Variants in EPHA5 observed in about 807,000 individuals in gnomAD.
The protein encoded by EPHA5 is EPH receptor A5.
Under a neutral mutation model 105.0 loss-of-function variants are expected in EPHA5, and 60 were observed. The observed-to-expected ratio is 0.57, with a 90% CI of 0.46 to 0.71. The LOEUF (loss-of-function observed/expected upper bound fraction) is 0.71, where lower values mean the gene tolerates loss of function less well. Among genes scored for constraint, EPHA5 ranks in the 30% least tolerant of loss-of-function variants. EPHA5 has a pLI of 0.00. For missense variants in EPHA5, 1,218 were observed against 1,274.7 expected (o/e 0.96, Z 0.68); for synonymous variants, 513 against 449.1 (o/e 1.14, Z -1.80).
intron 14 of EPHA5, among the ~76,000 whole-genome samples, chr4:65,343,921 T>C (rs1390789212): frequency 6.6e-6 from 1 of 152,098 alleles, no homozygotes; most frequent in African/African-American, 2.4e-5. Flanking sequence ...TCTAAGTAAT[T>C]TGAAATACAG....
chr4:65,367,619 T>A (rs1242374482), intron 8 of EPHA5, among the ~76,000 whole-genome samples, 195 bp from the exon 9 acceptor site: 2 of 152,092 alleles, frequency 1.3e-5, no homozygotes, highest in African/African-American at 4.8e-5. Context: ...CAGCAAATAA[T>A]CTTGCCCAGA....
At chr4:65,579,321 G>A (rs1416080639) in intron 3 of EPHA5, among the ~76,000 whole-genome samples, 1 of 146,398 alleles carries the variant, frequency 6.8e-6, no homozygotes, top group African/African-American at 2.5e-5. Context: ...ATTGAGAGGG[G>A]AATAACCTGC....
At chr4:65,539,287 A>G (rs1295670608) in intron 3 of EPHA5, among the ~76,000 whole-genome samples, 1 of 151,748 alleles carries the variant, frequency 6.6e-6, no homozygotes. Flanking sequence ...TCTTAAGATG[A>G]TTAAAATTCT....
At chr4:65,574,387 A>T (rs1740576388) in intron 3 of EPHA5, 4 of 712,570 alleles carry the variant, frequency 5.6e-6, no homozygotes, top group Non-Finnish European at 7.8e-6. Flanking sequence ...ATAATAAAAA[A>T]TAAAAAAATA....
intron 9 of EPHA5, among the ~76,000 whole-genome samples, chr4:65,366,429 C>T (rs1285511736): frequency 6.6e-6 from 1 of 151,676 alleles, no homozygotes; most frequent in Non-Finnish European, 1.5e-5. Context: ...TCGATATAAT[C>T]CCATTAGTAT....
chr4:65,334,038 A>G (rs1391515703), intron 15 of EPHA5, among the ~76,000 whole-genome samples: 3 of 151,870 alleles, frequency 2.0e-5, no homozygotes, highest in East Asian at 1.9e-4. Context: ...TTATTTCAAG[A>G]TATCATCATG....
At chr4:65,596,054 T>C (rs1743149055) in intron 3 of EPHA5, among the ~76,000 whole-genome samples, 1 of 152,226 alleles carries the variant, frequency 6.6e-6, no homozygotes, top group Admixed American at 6.5e-5. Context: ...ACAAGCAGCG[T>C]ATTTCCCACC....
In EPHA5 at chr4:65,320,165, A is replaced by G. The variant is rs1719521240; in HGVS notation, c.*3949T>C. 4.3e-6 allele frequency: 1 copy of G among 230,254 alleles called. No homozygotes were observed. The highest frequency in any genetic ancestry group is 5.7e-5 in the Admixed American group (1 of 17,642). 14.3% of individuals were successfully genotyped at this position (230,254 alleles called of 1,614,324 possible). A position where few individuals can be genotyped will look rare whatever the true frequency, so the allele number is the denominator to read the frequency against. ...TCTTCATAAATGAATAAGAAATGAA[A>G]AGAAAGTTCCTATTTCTATTTTGAT... is the stretch of plus-strand genomic sequence containing the variant. On this transcript the variant is annotated 3_prime_UTR_variant, in exon 17 of 17. Coordinates refer to ENST00000613740, the MANE Select transcript of EPHA5 (RefSeq NM_001281766.3).
rs1010375561 is a variant in EPHA5 at position 65,321,120 on chromosome 4, G to A, written c.*2994C>T. On this transcript the variant is annotated 3_prime_UTR_variant, in exon 17 of 17. Coordinates refer to ENST00000613740, the MANE Select transcript of EPHA5 (RefSeq NM_001281766.3). Reference sequence around the variant, plus strand: ...ATTGAGTGACTTCAAGTATCAGTCTGTTGAAAATTACTCCCTGTACCAATT... The same window carrying A: ...ATTGAGTGACTTCAAGTATCAGTCTATTGAAAATTACTCCCTGTACCAATT... The A allele has an allele frequency of 8.7e-6, 2 of 230,548 alleles. No individual in the cohort carries two copies. Among genetic ancestry groups the A allele is most frequent in the East Asian group, 6.1e-5 (1 of 16,358 alleles). 14.3% of individuals were successfully genotyped at this position (230,548 alleles called of 1,614,324 possible).
chr4:65,532,771 T>C (rs1735940305), intron 3 of EPHA5, among the ~76,000 whole-genome samples: 1 of 151,682 alleles, frequency 6.6e-6, no homozygotes, highest in Non-Finnish European at 1.5e-5. Flanking sequence ...CTCTATGCAC[T>C]TGATTTCCAA....
intron 2 of EPHA5, among the ~76,000 whole-genome samples, chr4:65,640,271 C>G (rs1246793002): frequency 8.1e-6 from 1 of 123,586 alleles, no homozygotes; most frequent in Non-Finnish European, 1.7e-5. Flanking sequence ...GAAGTCATTG[C>G]TCAGTTTTTT....
chr4:65,396,455 G>A (rs1721247740), intron 8 of EPHA5, among the ~76,000 whole-genome samples: 2 of 152,192 alleles, frequency 1.3e-5, no homozygotes, highest in Admixed American at 6.5e-5. Flanking sequence ...CACCCTGCAA[G>A]CAGTGCAGAA....
intron 5 of EPHA5, among the ~76,000 whole-genome samples, chr4:65,434,823 C>CTTAAAAAA (rs1368084682): frequency 1.3e-5 from 2 of 152,110 alleles, no homozygotes; most frequent in African/African-American, 2.4e-5. Flanking sequence ...GAAATCAAAA[C>CTTAAAAAA]ACTGACTATT....
At chr4:65,551,444 A>G (rs968944412) in intron 3 of EPHA5, among the ~76,000 whole-genome samples, 4 of 152,096 alleles carry the variant, frequency 2.6e-5, no homozygotes, top group African/African-American at 4.8e-5. Context: ...TGAAAAAGCA[A>G]TTGACTGTCC....
rs1282512261 is a variant in EPHA5, at chr4:65,322,140, T to C, written c.*1974A>G. ...ATAGATTATATGTTTGCAGCACAGTTTGTGTGGACCCATGGTATATAGCCC... is the reference window on the plus strand; with the variant it reads ...ATAGATTATATGTTTGCAGCACAGTCTGTGTGGACCCATGGTATATAGCCC... On this transcript the variant is annotated 3_prime_UTR_variant, in exon 17 of 17. Coordinates refer to ENST00000613740, the MANE Select transcript of EPHA5 (RefSeq NM_001281766.3). 2 of 224,542 alleles carry C rather than the reference T, an allele frequency of 8.9e-6. No individual in the cohort carries two copies. Among genetic ancestry groups the C allele is most frequent in the African/African-American group, 4.5e-5 (2 of 44,878 alleles). The allele number at this position is 224,542 out of a possible 1,614,324, so 13.9% of individuals were successfully genotyped here.
intron 2 of EPHA5, among the ~76,000 whole-genome samples, chr4:65,623,242 G>C (rs566209845): frequency 1.3e-5 from 2 of 151,872 alleles, no homozygotes; most frequent in Admixed American, 1.3e-4. Flanking sequence ...TTACTACGGG[G>C]ATCACATTAA....
intron 8 of EPHA5, among the ~76,000 whole-genome samples, chr4:65,395,678 G>C (rs1468900600): frequency 6.6e-6 from 1 of 152,172 alleles, no homozygotes; most frequent in African/African-American, 2.4e-5. Context: ...GGAGAAATAG[G>C]ATTGAGCAGT....
At chr4:65,370,369 T>C (rs993315627) in intron 8 of EPHA5, among the ~76,000 whole-genome samples, 9 of 152,146 alleles carry the variant, frequency 5.9e-5, no homozygotes, top group Non-Finnish European at 1.2e-4. Flanking sequence ...GTTATTAATG[T>C]TTCTCTTTAA....
chr4:65,506,083 G>A lies in EPHA5; in HGVS notation c.911-10540C>T, dbSNP rs140659588. On this transcript the variant is annotated intron_variant, in intron 3 of 16. Coordinates refer to ENST00000613740, the MANE Select transcript of EPHA5 (RefSeq NM_001281766.3). ...TTGTCATTGTACAATTCCCACCTAT[G>A]AGTGAGAACATGTGGTGCTTGGTCT... is the stretch of plus-strand genomic sequence containing the variant. Among the ~76,000 whole-genome samples the A allele has an allele frequency of 1.8e-3, 280 of 152,150 alleles. 1 individual carries two copies. Among genetic ancestry groups the A allele is most frequent in the Middle Eastern group, 6.8e-3 (2 of 294 alleles).
Sources: gnomAD v4.1 joint callset for allele counts (sites outside exome capture counted in the v4.1 genomes callset) on GRCh38, gnomAD v4.1.1 for gene constraint, MANE v1.5 for transcripts, NCBI Gene and HGNC (gene_info 2026-07-23, HGNC 2026-07-21) for gene names.